Variants in TAPBPL observed in about 807,000 individuals in gnomAD.
TAPBPL encodes the protein tapasin-related protein.
In TAPBPL, 32 loss-of-function variants were observed where a neutral mutation model predicts 44.8. The ratio of observed to expected loss-of-function variants is 0.71; its 90% CI spans 0.54 to 0.96. TAPBPL has a LOEUF of 0.96. Among genes scored for constraint, TAPBPL ranks in the 40% least tolerant of loss-of-function variants. TAPBPL has a pLI of 0.00. For missense variants in TAPBPL, 520 were observed against 586.6 expected (o/e 0.89, Z 1.17); for synonymous variants, 230 against 240.7 (o/e 0.96, Z 0.41).
rs369660460 is a variant in TAPBPL at position 6,462,107 on chromosome 12, T to C, written c.1365T>C (p.His455=). 1.2e-4 allele frequency: 197 copies of C among 1,613,390 alleles called. No individual in the cohort carries two copies. The highest frequency in any genetic ancestry group is 1.6e-4 in the Non-Finnish European group (193 of 1,179,536). The change falls in exon 7 of 7, where the codon CAT becomes CAC. Residue 455 remains histidine (H), a synonymous_variant. Transcript: ENST00000266556. ...TTSCADTQSS[H]LHEDRTARVS... is the part of the protein sequence containing the mutation. ...CCTGTGCTGACACACAGAGCTCCCA[T>C]CTCCATGAAGACCGCACAGCGCGTG...
chr12:6,465,044 GA>G (rs1159155467), downstream of TAPBPL: 2 of 1,548,906 alleles, frequency 1.3e-6, no homozygotes, highest in Non-Finnish European at 1.7e-6. Flanking sequence ...TGGGACAATG[GA>G]AAAAACCACC....
rs187134859 is a variant in TAPBPL, at chr12:6,453,871, C to T, written c.565+155C>T. Among the ~76,000 whole-genome samples, 11 of 151,824 alleles carry T rather than the reference C, an allele frequency of 7.2e-5. No homozygotes were observed. Among genetic ancestry groups the T allele is most frequent in the Admixed American group, 2.0e-4 (3 of 15,252 alleles). The stretch of plus-strand genomic sequence containing the variant: ...CGTCTCTACTAATACCAAAATTAGC[C>T]GGGCATGGTGGCGGGTGCCTGTAAT... On this transcript the variant is annotated intron_variant, in intron 3 of 6. Transcript: ENST00000266556. The surrounding 1 kb of genome is among the most constrained non-coding windows in gnomAD (Gnocchi z 4.8).
At chr12:6,462,744 C>T, downstream of TAPBPL, 1 of 1,393,148 alleles carries the variant, frequency 7.2e-7, no homozygotes, top group South Asian at 1.4e-5. Flanking sequence ...GCGGTGACCC[C>T]CTGCATTAGG....
downstream of TAPBPL, chr12:6,464,582 TCTCCA>T: frequency 6.8e-7 from 1 of 1,462,228 alleles, no homozygotes; most frequent in Non-Finnish European, 9.0e-7. Flanking sequence ...CATTCAGGTC[TCTCCA>T]TTGTTAAGTG....
At chr12:6,465,357 A>AGTATATATATATATACATGTATATATAT (rs1565525878), downstream of TAPBPL, 5 of 214,362 alleles carry the variant, frequency 2.3e-5, no homozygotes, top group East Asian at 3.3e-4. Context: ...AAAAGAAAAA[A>AGTATATATATATATACATGTATATATAT]GTATATATAT....
chr12:6,465,475 G>GTGTGTC (rs1950000660), downstream of TAPBPL: 2 of 181,594 alleles, frequency 1.1e-5, 1 homozygote. Context: ...TAGTGTGTGT[G>GTGTGTC]TGTGTGTGTG....
intron 5 of TAPBPL, among the ~76,000 whole-genome samples, chr12:6,460,269 ATT>A: frequency 6.6e-6 from 1 of 151,852 alleles, no homozygotes; most frequent in South Asian, 2.1e-4. Flanking sequence ...GCTTTGTTTT[ATT>A]TTGTTTTGTT....
At chr12:6,464,900 T>C, downstream of TAPBPL, 1 of 1,613,938 alleles carries the variant, frequency 6.2e-7, no homozygotes, top group Non-Finnish European at 8.5e-7. Flanking sequence ...TTACAATAAC[T>C]ACCACGATGA....
upstream of TAPBPL, chr12:6,451,832 G>A (rs906580227): frequency 1.2e-4 from 34 of 290,972 alleles, 1 homozygote; most frequent in South Asian, 1.3e-3. Context: ...GTTGGGGCCT[G>A]CTTAAGGGCG....
downstream of TAPBPL, among the ~76,000 whole-genome samples, chr12:6,470,323 C>T (rs1945739219): frequency 6.6e-6 from 1 of 151,978 alleles, no homozygotes; most frequent in Admixed American, 6.5e-5. Context: ...GCCCCTGCCC[C>T]GCCCGTGGGG....
chr12:6,462,795 G>A (rs1395485327), downstream of TAPBPL: 2 of 1,584,212 alleles, frequency 1.3e-6, no homozygotes, highest in Non-Finnish European at 1.7e-6. Flanking sequence ...TTCGAGGGGG[G>A]CCGTTGGGAG....
chr12:6,459,074 C>A, intron 5 of TAPBPL, 127 bp downstream of exon 5: 1 of 1,101,228 alleles, frequency 9.1e-7, no homozygotes, highest in Non-Finnish European at 1.3e-6. Context: ...ATGCTCCTGC[C>A]TCTGCTCCTG....
chr12:6,465,069 A>T (rs1487664853), downstream of TAPBPL: 1 of 1,397,774 alleles, frequency 7.2e-7, no homozygotes, highest in Non-Finnish European at 9.7e-7. Context: ...CACCCAGGAG[A>T]CCTGCAGGCC....
intron 3 of TAPBPL, among the ~76,000 whole-genome samples, chr12:6,455,097 T>C (rs1949667993): frequency 6.6e-6 from 1 of 152,126 alleles, no homozygotes; most frequent in Non-Finnish European, 1.5e-5. Context: ...GAAATAATAA[T>C]ATAATGAACA....
In TAPBPL at chr12:6,453,658, G is replaced by C. The variant is rs751026545; in HGVS notation, c.507G>C (p.Ala169=). The part of the protein sequence containing the change: ...MKTPRVTKNE[A]LWHPTLNLPL... ...CTCCCAGGGTCACCAAGAATGAGGCGCTCTGGCACCCGACGCTGAACTTGC... is the reference window on the plus strand; with the variant it reads ...CTCCCAGGGTCACCAAGAATGAGGCCCTCTGGCACCCGACGCTGAACTTGC... Residue 169 remains alanine, a synonymous_variant, in exon 3 of 7, where the codon GCG becomes GCC. Transcript: ENST00000266556. The surrounding 1 kb of genome is among the most constrained non-coding windows in gnomAD (Gnocchi z 4.8). The C allele has an allele frequency of 3.1e-6, 5 of 1,613,430 alleles. No homozygotes were observed. The African/African-American group carries it at 6.7e-5, about 22-fold the overall frequency.
chr12:6,465,923 A>C, downstream of TAPBPL: 1 of 1,614,270 alleles, frequency 6.2e-7, no homozygotes. Flanking sequence ...GCAAGGCATC[A>C]GCTCGGTCAT....
In TAPBPL at chr12:6,453,099, G is replaced by C; in HGVS notation, c.97G>C (p.Val33Leu). ...PHPAEGQWRAVDVVLDCFLAK... is the reference protein window; with the variant it reads ...PHPAEGQWRALDVVLDCFLAK... The stretch of plus-strand genomic sequence containing the variant: ...CCCAGCAGAGGGGCAGTGGCGGGCA[G>C]TGGACGTGGTCCTAGACTGCTTCCT... Residue 33 changes from valine (V) to leucine (L), a missense_variant, in exon 2 of 7, where the codon GTG (valine) becomes CTG (leucine). By Grantham distance (32) the Val-to-Leu change is conservative. Coordinates refer to ENST00000266556, the MANE Select transcript of TAPBPL (RefSeq NM_018009.5). The surrounding 1 kb of genome is among the most constrained non-coding windows in gnomAD (Gnocchi z 4.8). 6.3e-7 allele frequency: 1 copy of C among 1,578,050 alleles called. No homozygotes were observed. Among genetic ancestry groups the C allele is most frequent in the Non-Finnish European group, 8.6e-7 (1 of 1,161,690 alleles).
At chr12:6,465,401 AATGTATATATATGTATATATATATAT>A (rs1565526195), downstream of TAPBPL, 210 of 67,584 alleles carry the variant, frequency 3.1e-3, 2 homozygotes, top group African/African-American at 9.2e-3. Context: ...TATATATATA[AATGTATATATATGTATATATATATAT>A]AAATGTATAT....
chr12:6,466,601 G>T, downstream of TAPBPL: 1 of 325,908 alleles, frequency 3.1e-6, no homozygotes, highest in South Asian at 4.3e-5. Context: ...TACAAAACTA[G>T]AATGGATTCT....
Sources: gnomAD v4.1 joint callset for allele counts (sites outside exome capture counted in the v4.1 genomes callset) on GRCh38, gnomAD v4.1.1 for gene constraint, Gnocchi (gnomAD v3.1) non-coding constraint, MANE v1.5 for transcripts, NCBI Gene and HGNC (gene_info 2026-07-23, HGNC 2026-07-21) for gene names.